KIF2C: variants seen among roughly 807,000 people sequenced by gnomAD.
KIF2C encodes kinesin family member 2C, also known as kinesin-like protein KIF2C.
KIF2C carries 34 observed loss-of-function variants against 97.4 expected under a neutral mutation model. The ratio of observed to expected loss-of-function variants is 0.35; its 90% CI spans 0.27 to 0.46. KIF2C has a LOEUF of 0.46. Among genes scored for constraint, KIF2C ranks in the 20% least tolerant of loss-of-function variants. The probability of loss-of-function intolerance (pLI) is 1.00; values close to 1 mark genes in which losing one functional copy is unlikely to be tolerated. For missense variants in KIF2C, 750 were observed against 907.6 expected, an observed-to-expected ratio of 0.83 and a Z score of 2.23; for synonymous variants, 313 against 318.2, an observed-to-expected ratio of 0.98 and a Z score of 0.17.
At chr1:44,753,646 A>C in intron 6 of KIF2C, 87 bp from the exon 7 acceptor site, 2 of 858,232 alleles carry the variant, frequency 2.3e-6, no homozygotes, top group Non-Finnish European at 3.6e-6. Flanking sequence ...CCCAGTACTC[A>C]GTAAATAGCC....
rs558616816 is a variant in KIF2C, at chr1:44,746,121, G to A, written c.166-1263G>A. Among the ~76,000 whole-genome samples the A allele has an allele frequency of 5.3e-5, 8 of 152,174 alleles. No homozygotes were observed. The South Asian group carries it at 1.0e-3, about 20-fold the overall frequency. On this transcript the variant is annotated intron_variant, in intron 2 of 20. Transcript: ENST00000372224. ...TTGAACTCCTGAGGTCAGGTAATCCGCCCACCTCGGCCTCCCAAAGTGCTG... is the reference window on the plus strand; with the variant it reads ...TTGAACTCCTGAGGTCAGGTAATCCACCCACCTCGGCCTCCCAAAGTGCTG...
chr1:44,743,191 C>CT (rs1400778878), intron 2 of KIF2C, among the ~76,000 whole-genome samples: 5 of 152,196 alleles, frequency 3.3e-5, no homozygotes, highest in Non-Finnish European at 7.3e-5. Flanking sequence ...AGCACTGTGA[C>CT]TAAGACATTT....
At chr1:44,761,788 C>T in intron 16 of KIF2C, 128 bp from the exon 17 acceptor site, 2 of 835,480 alleles carry the variant, frequency 2.4e-6, no homozygotes, top group Non-Finnish European at 4.1e-6. Flanking sequence ...CTAAATGACT[C>T]CTCCCACCAA....
intron 4 of KIF2C, among the ~76,000 whole-genome samples, chr1:44,749,442 CAAAG>C (rs1425130154): frequency 2.0e-5 from 3 of 146,774 alleles, no homozygotes. Flanking sequence ...CTCAAAAAAA[CAAAG>C]AAAAAAAATT....
chr1:44,751,258 T>A (rs1170204525), intron 5 of KIF2C, among the ~76,000 whole-genome samples: 1 of 151,526 alleles, frequency 6.6e-6, no homozygotes, highest in Admixed American at 6.6e-5. Context: ...TGCAATGGCG[T>A]GGTCTTGGCT....
At position 44,747,398 on chromosome 1, in the gene KIF2C, T is replaced by G; in HGVS notation, c.180T>G (p.Asp60Glu). The part of the protein sequence containing the change: ...ATKGKEIDFD[D>E]VAAINPELLQ... ...GCTCCTTGCAGATTGATTTTGATGA[T>G]GTGGCTGCAATAAACCCAGAACTCT... is the stretch of plus-strand genomic sequence containing the variant. The change falls in exon 3 of 21, where the codon GAT becomes GAG. Residue 60 changes from aspartate (D) to glutamate (E), a missense_variant. Asp to Glu is a conservative substitution (Grantham distance 45, BLOSUM62 2). Transcript: ENST00000372224. The G allele has an allele frequency of 6.2e-7, 1 of 1,611,258 alleles. No homozygotes were observed. Among genetic ancestry groups the G allele is most frequent in the Non-Finnish European group, 8.5e-7 (1 of 1,179,068 alleles).
chr1:44,753,084 C>A, intron 5 of KIF2C, 48 bp from the exon 6 acceptor site: 1 of 1,579,232 alleles, frequency 6.3e-7, no homozygotes, highest in Non-Finnish European at 8.6e-7. Context: ...AGGTGAGATG[C>A]CTGTGGTATA....
chr1:44,764,240 A>G (rs764675513), intron 19 of KIF2C, among the ~76,000 whole-genome samples: 33 of 152,156 alleles, frequency 2.2e-4, no homozygotes, highest in African/African-American at 6.7e-4. Context: ...TAGTGGTGCA[A>G]TCTTGGCTCA....
rs149328964 is a variant in KIF2C, at chr1:44,767,181, G to A, written c.*2G>A. On this transcript the variant is annotated 3_prime_UTR_variant, in exon 21 of 21. Transcript: ENST00000372224. ...AGCAGCAAGAAACGGCCCCAGTGAC[G>A]ACTGCAAATAAAAATCTGTTTGGTT... 34 of 1,613,512 alleles carry A rather than the reference G, an allele frequency of 2.1e-5. 1 individual carries two copies. The highest frequency in any genetic ancestry group is 5.5e-5 in the South Asian group (5 of 90,964).
chr1:44,755,059 G>A (rs1196987425), intron 8 of KIF2C, among the ~76,000 whole-genome samples: 1 of 151,606 alleles, frequency 6.6e-6, no homozygotes, highest in Non-Finnish European at 1.5e-5. Context: ...GGGCTTGAGT[G>A]ATCCTCCCCA....
In KIF2C at chr1:44,739,854, G is replaced by A. The variant is rs1323620172; in HGVS notation, c.-79G>A. On this transcript the variant is annotated 5_prime_UTR_variant, in exon 1 of 21. Transcript: ENST00000372224. ...CGGGATTTAAACTGCGGCGGTTTACGCGGCGTTAAGACTTCGTAGGGTTAG... is the reference window on the plus strand; with the variant it reads ...CGGGATTTAAACTGCGGCGGTTTACACGGCGTTAAGACTTCGTAGGGTTAG... 23 of 1,298,534 alleles carry A rather than the reference G, an allele frequency of 1.8e-5. No individual in the cohort carries two copies. In the Admixed American group the frequency reaches 1.9e-4, roughly 11 times the overall value. The allele number at this position is 1,298,534 out of a possible 1,614,324, so 80.4% of individuals were successfully genotyped here.
intron 19 of KIF2C, among the ~76,000 whole-genome samples, chr1:44,764,918 G>C (rs1650372083): frequency 6.6e-6 from 1 of 152,102 alleles, no homozygotes; most frequent in Admixed American, 6.6e-5. Flanking sequence ...TCGGGAGTTT[G>C]AAACCAGCCT....
chr1:44,751,960 T>C (rs1264587973), intron 5 of KIF2C, among the ~76,000 whole-genome samples: 2 of 149,364 alleles, frequency 1.3e-5, no homozygotes, highest in African/African-American at 2.5e-5. Context: ...TAGCTAGGAC[T>C]ACAGGTGCAC....
intron 2 of KIF2C, among the ~76,000 whole-genome samples, chr1:44,745,703 C>T (rs1649159167): frequency 6.6e-6 from 1 of 151,780 alleles, no homozygotes; most frequent in South Asian, 2.1e-4. Context: ...CTCCCGACCT[C>T]AGGTGATCTG....
In KIF2C at chr1:44,759,273, TG is replaced by T; in HGVS notation, c.1294del (p.Val432TrpfsTer17). On this transcript the variant is annotated frameshift_variant, in exon 14 of 21. Coordinates refer to ENST00000372224, the MANE Select transcript of KIF2C (RefSeq NM_006845.4). LOFTEE classifies it high-confidence loss of function. Reference protein sequence around the residue: ...VLEDGKQQVQVVGLQEHLVNS... With the variant: ...VLEDGKQQVQXVGLQEHLVNS... ...GAGGACGGCAAGCAACAGGTGCAAG[TG>T]GTGGGGCTGCAGGAGCATCTGGTTA... The T allele has an allele frequency of 6.2e-7, 1 of 1,614,098 alleles. No homozygotes were observed. The highest frequency in any genetic ancestry group is 8.5e-7 in the Non-Finnish European group (1 of 1,180,028).
rs976862168 is a variant in KIF2C at position 44,746,863 on chromosome 1, A to ATTTAATT, written c.166-517_166-511dup. On this transcript the variant is annotated intron_variant, in intron 2 of 20. Transcript: ENST00000372224. ...TTTAGGGGTACCCCTGTCTATAGAAATTTAATTTTTTCTATGTTGTTTTTT... is the reference window on the plus strand; with the variant it reads ...TTTAGGGGTACCCCTGTCTATAGAAATTTAATTTTTAATTTTTTCTATGTTGTTTTTT... 156 of 1,156,146 alleles carry ATTTAATT rather than the reference A, an allele frequency of 1.3e-4. 1 individual carries two copies. In the African/African-American group the frequency reaches 2.2e-3, roughly 16 times the overall value. 71.6% of individuals were successfully genotyped at this position (1,156,146 alleles called of 1,614,324 possible).
chr1:44,747,821 G>A, intron 4 of KIF2C, 121 bp downstream of exon 4: 2 of 776,130 alleles, frequency 2.6e-6, no homozygotes, highest in Non-Finnish European at 2.1e-6. Flanking sequence ...AGTCCTGCCT[G>A]TGTTCCAAGC....
chr1:44,755,850 G>T, intron 8 of KIF2C, 79 bp from the exon 9 acceptor site: 1 of 1,340,750 alleles, frequency 7.5e-7, no homozygotes. Flanking sequence ...GATTGGAAGG[G>T]GTGGGAGTTC....
chr1:44,751,507 CTTTTTTT>C (rs58381189), intron 5 of KIF2C, among the ~76,000 whole-genome samples: 1 of 125,670 alleles, frequency 8.0e-6, no homozygotes, highest in African/African-American at 2.9e-5. Flanking sequence ...TCTTTTTGTA[CTTTTTTT>C]TTTTTTTTTT....
Sources: allele counts gnomAD v4.1 joint callset (sites outside exome capture counted in the v4.1 genomes callset), GRCh38; gene constraint gnomAD v4.1.1; transcripts MANE v1.5; gene names NCBI Gene and HGNC (gene_info 2026-07-23, HGNC 2026-07-21).